Variants in MYL11 observed in about 807,000 individuals in gnomAD.
MYL11 encodes the protein myosin light chain 11.
chr16:30,374,342 TCACTA>T, the MYL11 span, among the ~76,000 whole-genome samples: 2 of 148,930 alleles, frequency 1.3e-5, no homozygotes. Flanking sequence ...GACAGGGGTC[TCACTA>T]TGTTGCCCAG....
chr16:30,374,243 G>C, the MYL11 span, among the ~76,000 whole-genome samples: 1 of 150,550 alleles, frequency 6.6e-6, no homozygotes, highest in East Asian at 2.0e-4. Context: ...TTGAACAGGG[G>C]AGGTGGAGGT....
the MYL11 span, chr16:30,377,472 A>G: frequency 7.6e-6 from 4 of 527,426 alleles, no homozygotes; most frequent in Non-Finnish European, 1.3e-5. Flanking sequence ...GGGCGGTAAG[A>G]TTGCATTTTC....
chr16:30,377,980 C>A, the MYL11 span: 2 of 1,409,190 alleles, frequency 1.4e-6, no homozygotes, highest in Non-Finnish European at 2.0e-6. Flanking sequence ...TTTAACTGAT[C>A]TTTGTTTCTT....
At chr16:30,377,910 C>T in the MYL11 span, 3 of 1,597,948 alleles carry the variant, frequency 1.9e-6, no homozygotes, top group East Asian at 2.3e-5. Context: ...GGGGCACCCG[C>T]GGGCCTCCGC....
At chr16:30,374,094 C>G in the MYL11 span, among the ~76,000 whole-genome samples, 1 of 152,002 alleles carries the variant, frequency 6.6e-6, no homozygotes, top group Non-Finnish European at 1.5e-5. Context: ...GGATGGATCA[C>G]CAGGTCAGAA....
the MYL11 span, among the ~76,000 whole-genome samples, chr16:30,372,559 A>G: frequency 4.6e-5 from 7 of 151,874 alleles, no homozygotes; most frequent in African/African-American, 1.7e-4. Context: ...GAGAGGGTAC[A>G]TCAAAGTCAC....
the MYL11 span, among the ~76,000 whole-genome samples, chr16:30,372,122 C>T: frequency 2.6e-5 from 4 of 152,178 alleles, no homozygotes; most frequent in Non-Finnish European, 5.9e-5. Context: ...TTCCTGAGCT[C>T]TCCTCCCATT....
the MYL11 span, chr16:30,376,258 G>A: frequency 3.7e-6 from 6 of 1,606,064 alleles, no homozygotes; most frequent in Middle Eastern, 1.7e-4. Flanking sequence ...ATTCAAGGCT[G>A]CAGAGTCTAG....
At chr16:30,374,505 A>T in the MYL11 span, among the ~76,000 whole-genome samples, 1 of 152,184 alleles carries the variant, frequency 6.6e-6, no homozygotes, top group Admixed American at 6.5e-5. Context: ...TGGTTCATTT[A>T]TCTCCCAGAA....
chr16:30,377,261 T>C, the MYL11 span, among the ~76,000 whole-genome samples: 5 of 151,588 alleles, frequency 3.3e-5, no homozygotes, highest in Non-Finnish European at 7.4e-5. Flanking sequence ...CAAACACCTA[T>C]AGTCCCAGCT....
the MYL11 span, chr16:30,377,955 C>G: frequency 6.6e-7 from 1 of 1,507,242 alleles, no homozygotes; most frequent in African/African-American, 1.4e-5. Context: ...ACCTCCACCC[C>G]GGCTCCCAAT....
the MYL11 span, chr16:30,377,987 T>C: frequency 7.3e-7 from 1 of 1,367,908 alleles, no homozygotes; most frequent in South Asian, 1.3e-5. Context: ...GATCTTTGTT[T>C]CTTATGGGCG....
chr16:30,374,771 C>CTA, the MYL11 span: 3 of 1,544,226 alleles, frequency 1.9e-6, no homozygotes, highest in African/African-American at 4.1e-5. Context: ...TGGGGCAGGA[C>CTA]TATATAACCC....
the MYL11 span, among the ~76,000 whole-genome samples, chr16:30,371,420 A>G: frequency 6.6e-6 from 1 of 152,040 alleles, no homozygotes; most frequent in African/African-American, 2.4e-5. Flanking sequence ...CCTTTACTCT[A>G]TAATTCTCCG....
chr16:30,375,867 C>T, the MYL11 span: 8 of 1,614,104 alleles, frequency 5.0e-6, no homozygotes, highest in Non-Finnish European at 5.1e-6. Flanking sequence ...GAAGCTCCAG[C>T]GTCTTCTCCA....
At chr16:30,374,643 C>T in the MYL11 span, 19 of 555,016 alleles carry the variant, frequency 3.4e-5, no homozygotes, top group East Asian at 1.3e-4. Flanking sequence ...CCTTCCTCCC[C>T]GCTGGGCTCC....
the MYL11 span, chr16:30,376,233 C>A: frequency 2.5e-6 from 4 of 1,612,708 alleles, no homozygotes; most frequent in Admixed American, 5.0e-5. Context: ...GAGCCCCCTA[C>A]CCCCAGGTGG....
the MYL11 span, chr16:30,375,998 G>T: frequency 2.0e-5 from 31 of 1,523,856 alleles, no homozygotes; most frequent in Non-Finnish European, 2.8e-5. Flanking sequence ...GCTTGAAGGA[G>T]GGGAAAGGTT....
chr16:30,376,067 G>A, the MYL11 span: 1 of 1,541,492 alleles, frequency 6.5e-7, no homozygotes, highest in Non-Finnish European at 8.9e-7. Flanking sequence ...CTGAGAGCCA[G>A]CATCTGATCC....
Sources: allele counts gnomAD v4.1 joint callset (sites outside exome capture counted in the v4.1 genomes callset), GRCh38; gene constraint gnomAD v4.1.1; transcripts MANE v1.5; gene names NCBI Gene and HGNC (gene_info 2026-07-23, HGNC 2026-07-21).